The following STRN3 variants were observed in gnomAD, a reference collection of about 807,000 sequenced individuals.
STRN3 encodes the protein striatin 3, also known as striatin-3.
In STRN3, 29 loss-of-function variants were observed where a neutral mutation model predicts 95.6. That is an observed-to-expected ratio of 0.30 (90% CI 0.23 to 0.41). The LOEUF (loss-of-function observed/expected upper bound fraction) is 0.41, where lower values mean the gene tolerates loss of function less well. Among genes scored for constraint, STRN3 ranks in the 10% least tolerant of loss-of-function variants. The pLI is 1.00. For missense variants in STRN3, 890 were observed against 972.1 expected (o/e 0.92, Z 1.12); for synonymous variants, 331 against 357.6 (o/e 0.93, Z 0.84).
In STRN3 at chr14:30,936,357, G is replaced by T. The variant is rs1031005027; in HGVS notation, c.846+138C>A. Reference sequence around the variant, plus strand: ...ACTCTATGTGTGTAATGCAAAAAGAGCTGACCACATAAAACTTTTAACCAA... The same window carrying T: ...ACTCTATGTGTGTAATGCAAAAAGATCTGACCACATAAAACTTTTAACCAA... On this transcript the variant is annotated intron_variant, in intron 6 of 17. Coordinates refer to ENST00000357479, the MANE Select transcript of STRN3 (RefSeq NM_001083893.2). The T allele has an allele frequency of 7.3e-6, 7 of 953,084 alleles. No individual in the cohort carries two copies. The African/African-American group carries it at 1.2e-4, about 16-fold the overall frequency. 59.0% of individuals were successfully genotyped at this position (953,084 alleles called of 1,614,324 possible). A position where few individuals can be genotyped will look rare whatever the true frequency, so the allele number is the denominator to read the frequency against.
intron 1 of STRN3, among the ~76,000 whole-genome samples, chr14:30,980,050 C>A (rs977964400): frequency 6.6e-6 from 1 of 151,848 alleles, no homozygotes; most frequent in African/African-American, 2.4e-5. Flanking sequence ...GGGTTCTAGA[C>A]CATCCTGGCC....
At position 30,899,139 on chromosome 14, in the gene STRN3, A is replaced by C. The variant is rs114671950; in HGVS notation, c.2138-3391T>G. On this transcript the variant is annotated intron_variant, in intron 16 of 17. Coordinates refer to ENST00000357479, the MANE Select transcript of STRN3 (RefSeq NM_001083893.2). The stretch of plus-strand genomic sequence containing the variant: ...TTCACCAAGCTTCAAGAACTGTGCC[A>C]AGAATATGGCAGATAGTCTAGACAT... 7.7e-3 allele frequency among the ~76,000 whole-genome samples: 1,169 copies of C among 152,322 alleles called. 14 individuals carry two copies. Among genetic ancestry groups the C allele is most frequent in the African/African-American group, 0.027 (1,116 of 41,560 alleles).
intron 1 of STRN3, chr14:30,964,503 T>C (rs1229494368): frequency 6.3e-6 from 1 of 157,732 alleles, no homozygotes; most frequent in Admixed American, 6.4e-5. Flanking sequence ...AGGAGAAATA[T>C]TAAAATGTCC....
chr14:30,921,985 C>G (rs1896895913), intron 8 of STRN3, among the ~76,000 whole-genome samples: 1 of 152,084 alleles, frequency 6.6e-6, no homozygotes, highest in East Asian at 1.9e-4. Flanking sequence ...CTCCTGGATT[C>G]AAGTGATCCT....
chr14:30,992,211 G>A (rs1872876639), intron 1 of STRN3, among the ~76,000 whole-genome samples: 2 of 151,886 alleles, frequency 1.3e-5, no homozygotes, highest in South Asian at 2.1e-4. Context: ...AGGAGTTCAA[G>A]AACAGCCTGG....
intron 1 of STRN3, among the ~76,000 whole-genome samples, chr14:30,968,073 A>G (rs116144516): frequency 0.011 from 1,600 of 152,324 alleles, 32 homozygotes; most frequent in African/African-American, 0.036. Context: ...GGAAGGAACC[A>G]TCTATACCAA....
chr14:30,962,156 T>C (rs1260288628), intron 1 of STRN3, among the ~76,000 whole-genome samples: 1 of 152,160 alleles, frequency 6.6e-6, no homozygotes, highest in African/African-American at 2.4e-5. Flanking sequence ...TGTGTCTTCA[T>C]TTCTAACAAA....
intron 16 of STRN3, among the ~76,000 whole-genome samples, chr14:30,897,225 T>C (rs1179059113): frequency 2.0e-5 from 3 of 152,172 alleles, no homozygotes; most frequent in Non-Finnish European, 2.9e-5. Flanking sequence ...GCTATAGCTG[T>C]TGACCTGAAT....
chr14:30,938,153 AAAGG>A (rs1395467135), intron 5 of STRN3, among the ~76,000 whole-genome samples: 1 of 152,058 alleles, frequency 6.6e-6, no homozygotes, highest in African/African-American at 2.4e-5. Flanking sequence ...CTACAGATAG[AAAGG>A]GTTGACTATA....
intron 1 of STRN3, among the ~76,000 whole-genome samples, chr14:31,006,713 A>G (rs888097329): frequency 2.3e-4 from 35 of 151,800 alleles, no homozygotes; most frequent in Admixed American, 2.6e-4. Context: ...AAAAAAGAAA[A>G]AGAAATTCAA....
intron 7 of STRN3, 100 bp downstream of exon 7, chr14:30,935,063 C>T: frequency 2.1e-6 from 3 of 1,430,926 alleles, no homozygotes; most frequent in Non-Finnish European, 2.8e-6. Flanking sequence ...CGTTTAACTG[C>T]CACCATATAT....
Position 30,895,727 on chromosome 14 carries a change from A to G in STRN3, c.2159T>C (p.Val720Ala). The G allele has an allele frequency of 1.9e-6, 3 of 1,613,230 alleles. No individual in the cohort carries two copies. Among genetic ancestry groups the G allele is most frequent in the Non-Finnish European group, 2.5e-6 (3 of 1,179,812 alleles). The change falls in exon 17 of 18, where the codon GTA (valine) becomes GCA (alanine). Residue 720 changes from valine (V) to alanine (A), a missense_variant. Physicochemically the swap from Val to Ala is moderately conservative, Grantham distance 64 (BLOSUM62 0). This residue lies in a region of STRN3 where 357 missense variants were observed against 422.8 expected (regional missense o/e 0.84). Transcript: ENST00000357479. ...NKTGKMIHSM[V>A]AHLDAVTSLA... ...ACTTGTAACAGCATCCAAGTGAGCTACCATAGAATGGATCATTTTACCTAA... is the reference window on the plus strand; with the variant it reads ...ACTTGTAACAGCATCCAAGTGAGCTGCCATAGAATGGATCATTTTACCTAA...
At chr14:30,899,256 C>T (rs1239968971) in intron 16 of STRN3, among the ~76,000 whole-genome samples, 3 of 152,224 alleles carry the variant, frequency 2.0e-5, no homozygotes, top group African/African-American at 7.2e-5. Flanking sequence ...TCCAGAATCA[C>T]TCACTACCTA....
rs145112784 is a variant in STRN3, at chr14:30,923,403, C to T, written c.1100-4297G>A. 1.4e-4 allele frequency among the ~76,000 whole-genome samples: 21 copies of T among 152,184 alleles called. 1 individual carries two copies. In the East Asian group the frequency reaches 4.1e-3, roughly 29 times the overall value. The stretch of plus-strand genomic sequence containing the variant: ...AATGTTGAAAAAGTTACAAGACTTC[C>T]CCCTTTTCAAATGTATTGATAATCA... On this transcript the variant is annotated intron_variant, in intron 8 of 17. Transcript: ENST00000357479.
chr14:30,908,288 C>G (rs942952688), intron 13 of STRN3, among the ~76,000 whole-genome samples: 3 of 152,142 alleles, frequency 2.0e-5, no homozygotes, highest in Non-Finnish European at 2.9e-5. Flanking sequence ...TAGAAATATG[C>G]TTTTCACTTC....
At position 30,924,783 on chromosome 14, in the gene STRN3, G is replaced by A. The variant is rs377336373; in HGVS notation, c.1099+4418C>T. Among the ~76,000 whole-genome samples, 7 of 152,278 alleles carry A rather than the reference G, an allele frequency of 4.6e-5. No individual in the cohort carries two copies. In the South Asian group the frequency reaches 1.5e-3, roughly 32 times the overall value. ...AAAGATTGCTTGAGCTCAGGAGTTT[G>A]AGGTTGCAGTGAGCTACAATGTGCT... On this transcript the variant is annotated intron_variant, in intron 8 of 17. Coordinates refer to ENST00000357479, the MANE Select transcript of STRN3 (RefSeq NM_001083893.2).
chr14:30,950,731 C>T, intron 4 of STRN3, 132 bp downstream of exon 4: 2 of 793,414 alleles, frequency 2.5e-6, no homozygotes, highest in Non-Finnish European at 3.9e-6. Flanking sequence ...CAAGCATCTA[C>T]ACAGCAAAAA....
At chr14:30,922,636 C>T (rs963091840) in intron 8 of STRN3, among the ~76,000 whole-genome samples, 4 of 152,122 alleles carry the variant, frequency 2.6e-5, no homozygotes, top group African/African-American at 9.7e-5. Flanking sequence ...TGAAGCTTAA[C>T]TGTTAGCAGG....
At chr14:30,984,107 A>G (rs1041448984) in intron 1 of STRN3, among the ~76,000 whole-genome samples, 3 of 148,478 alleles carry the variant, frequency 2.0e-5, no homozygotes, top group East Asian at 4.0e-4. Context: ...AGCTCTGTGA[A>G]ATTCCATGGC....
Sources: allele counts gnomAD v4.1 joint callset (sites outside exome capture counted in the v4.1 genomes callset), GRCh38; gene constraint gnomAD v4.1.1; regional missense constraint gnomAD v4.1.1; transcripts MANE v1.5; gene names NCBI Gene and HGNC (gene_info 2026-07-23, HGNC 2026-07-21).